The following LRRC28 variants were observed in gnomAD, a reference collection of about 807,000 sequenced individuals.
The protein encoded by LRRC28 is leucine-rich repeat-containing protein 28.
In LRRC28, 39 loss-of-function variants were observed where a neutral mutation model predicts 45.7. That is an observed-to-expected ratio of 0.85 (90% CI 0.66 to 1.12). The LOEUF (loss-of-function observed/expected upper bound fraction) is 1.12, where lower values mean the gene tolerates loss of function less well. LRRC28 is among the 50% of genes most tolerant of loss of function. LRRC28 has a pLI of 0.00. For missense variants in LRRC28, 435 were observed against 438.5 expected (o/e 0.99, Z 0.07); for synonymous variants, 206 against 178.8 (o/e 1.15, Z -1.22).
At chr15:99,268,019 G>A (rs2081376963) in intron 2 of LRRC28, among the ~76,000 whole-genome samples, 1 of 152,142 alleles carries the variant, frequency 6.6e-6, no homozygotes, top group East Asian at 1.9e-4. Context: ...GAGGATAATG[G>A]CTGGTTCTAA....
intron 3 of LRRC28, 34 bp downstream of exon 3, chr15:99,276,650 GA>G: frequency 6.8e-7 from 1 of 1,464,466 alleles, no homozygotes; most frequent in Admixed American, 2.5e-5. Flanking sequence ...TTAAAGACAA[GA>G]ATGAAAATAA....
intron 5 of LRRC28, among the ~76,000 whole-genome samples, chr15:99,326,288 C>T (rs1300761355): frequency 6.6e-6 from 1 of 151,956 alleles, no homozygotes; most frequent in African/African-American, 2.4e-5. Context: ...ATCTTCAGAC[C>T]CCCATTAGGG....
chr15:99,257,064 G>T (rs2152121926), intron 2 of LRRC28, among the ~76,000 whole-genome samples: 1 of 152,304 alleles, frequency 6.6e-6, no homozygotes, highest in Non-Finnish European at 1.5e-5. Flanking sequence ...TCAAGTATAT[G>T]GCATGTTTTC....
At chr15:99,379,398 AT>A (rs1468763444) in intron 9 of LRRC28, among the ~76,000 whole-genome samples, 1 of 152,024 alleles carries the variant, frequency 6.6e-6, no homozygotes, top group African/African-American at 2.4e-5. Flanking sequence ...CCCCTTTATC[AT>A]TTTTTATTGC....
chr15:99,261,544 C>T (rs11855808), intron 2 of LRRC28, among the ~76,000 whole-genome samples: 3,321 of 152,206 alleles, frequency 0.022, 110 homozygotes, highest in African/African-American at 0.076. Context: ...AGGGTCTCTC[C>T]CCGACCTCTT....
chr15:99,295,492 A>G (rs994415939), intron 5 of LRRC28, among the ~76,000 whole-genome samples: 5 of 152,222 alleles, frequency 3.3e-5, no homozygotes, highest in Non-Finnish European at 7.3e-5. Context: ...AAACATCACA[A>G]AGTCCAATGG....
In LRRC28 at chr15:99,381,221, T is replaced by G. The variant is rs530800498; in HGVS notation, c.1032-4809T>G. Among the ~76,000 whole-genome samples, 240 of 152,278 alleles carry G rather than the reference T, an allele frequency of 1.6e-3. 2 individuals carry two copies. The highest frequency in any genetic ancestry group is 5.0e-3 in the African/African-American group (206 of 41,552). On this transcript the variant is annotated intron_variant, in intron 9 of 9. Transcript: ENST00000301981. ...CATAGTCCCATATTTCTTGGAGGCT[T>G]TGTTTGTTTCTTTTTACTCTTTTTT...
At chr15:99,353,222 C>G (rs1956941066) in intron 7 of LRRC28, among the ~76,000 whole-genome samples, 1 of 152,150 alleles carries the variant, frequency 6.6e-6, no homozygotes, top group Non-Finnish European at 1.5e-5. Context: ...ACTTCAGCAG[C>G]CAAGTGAACA....
chr15:99,330,385 T>G (rs1339601658), intron 5 of LRRC28, among the ~76,000 whole-genome samples: 1 of 152,188 alleles, frequency 6.6e-6, no homozygotes, highest in East Asian at 1.9e-4. Flanking sequence ...CTTCCAGTTC[T>G]GTCAGTTTTT....
At chr15:99,376,933 C>G in intron 9 of LRRC28, among the ~76,000 whole-genome samples, 1 of 152,158 alleles carries the variant, frequency 6.6e-6, no homozygotes. Flanking sequence ...TTTTCTTAAT[C>G]CAGTCTATCA....
chr15:99,281,366 C>T (rs549889649), intron 3 of LRRC28, among the ~76,000 whole-genome samples: 1 of 152,256 alleles, frequency 6.6e-6, no homozygotes, highest in South Asian at 2.1e-4. Flanking sequence ...ATCCTCCTGC[C>T]TCAGCCTCCC....
intron 3 of LRRC28, 45 bp from the exon 4 acceptor site, chr15:99,287,212 A>C (rs761040617): frequency 5.4e-6 from 8 of 1,494,452 alleles, no homozygotes; most frequent in Non-Finnish European, 6.3e-6. Context: ...TATCTGGCAA[A>C]AGTACTTAAT....
intron 5 of LRRC28, among the ~76,000 whole-genome samples, chr15:99,290,258 C>CA (rs1022356493): frequency 4.1e-4 from 50 of 121,178 alleles, no homozygotes; most frequent in East Asian, 8.7e-4. Context: ...GACCCTGCCT[C>CA]AAAAAAAAAA....
chr15:99,307,881 G>A (rs1308735287), intron 5 of LRRC28, among the ~76,000 whole-genome samples: 2 of 152,208 alleles, frequency 1.3e-5, no homozygotes. Flanking sequence ...CTGGATGTGA[G>A]GGGAAGTCAC....
intron 5 of LRRC28, among the ~76,000 whole-genome samples, chr15:99,324,727 T>C (rs1430986733): frequency 6.6e-6 from 1 of 152,142 alleles, no homozygotes. Flanking sequence ...GTATTGTGTA[T>C]TTAGCACAAA....
In LRRC28 at chr15:99,389,251, T is replaced by C. The variant is rs984185381; in HGVS notation, c.*3149T>C. 2.6e-5 allele frequency: 4 copies of C among 152,222 alleles called. No homozygotes were observed. In the East Asian group the frequency reaches 7.7e-4, roughly 29 times the overall value. The allele number at this position is 152,222 out of a possible 1,614,324, so 9.4% of individuals were successfully genotyped here. A position where few individuals can be genotyped will look rare whatever the true frequency, so the allele number is the denominator to read the frequency against. On this transcript the variant is annotated 3_prime_UTR_variant, in exon 10 of 10. Coordinates refer to ENST00000301981, the MANE Select transcript of LRRC28 (RefSeq NM_144598.5). ...ACTAGTGTAATGTACCTCTCACTTC[T>C]GTTTTACGTTGAGCATTACGAATTA...
At chr15:99,361,574 A>G (rs917199223) in intron 8 of LRRC28, 63 bp downstream of exon 8, 5 of 1,467,854 alleles carry the variant, frequency 3.4e-6, no homozygotes, top group African/African-American at 1.4e-5. Flanking sequence ...TGCTTGGTGC[A>G]CCTGTTTTGG....
At chr15:99,285,509 C>G in intron 3 of LRRC28, 1 of 1,082,776 alleles carries the variant, frequency 9.2e-7, no homozygotes, top group Non-Finnish European at 1.4e-6. Context: ...TCGGTTGTTT[C>G]AAAGCTCAGG....
Position 99,258,074 on chromosome 15 carries a change from G to A in LRRC28, c.168+1949G>A, listed in dbSNP as rs2081078285. On this transcript the variant is annotated intron_variant, in intron 2 of 9. Transcript: ENST00000301981. The stretch of plus-strand genomic sequence containing the variant: ...CCTACTGCATGTCACAGACACTGGT[G>A]TAGGAATGACCAGAGAAGAGTTGGT... The A allele has an allele frequency of 1.7e-5, 25 of 1,501,996 alleles. No homozygotes were observed. In the South Asian group the frequency reaches 2.4e-4, roughly 14 times the overall value. The allele number at this position is 1,501,996 out of a possible 1,614,324, so 93.0% of individuals were successfully genotyped here. A position where few individuals can be genotyped will look rare whatever the true frequency, so the allele number is the denominator to read the frequency against.
Sources: gnomAD v4.1 joint callset for allele counts (sites outside exome capture counted in the v4.1 genomes callset) on GRCh38, gnomAD v4.1.1 for gene constraint, MANE v1.5 for transcripts, NCBI Gene and HGNC (gene_info 2026-07-23, HGNC 2026-07-21) for gene names.